The following ANO10 variants were observed in gnomAD, a reference collection of about 807,000 sequenced individuals.
ANO10 encodes the protein anoctamin 10.
ANO10 carries 77 observed loss-of-function variants against 74.7 expected under a neutral mutation model. That is an observed-to-expected ratio of 1.03 (90% confidence interval 0.86 to 1.25). The LOEUF is 1.25. ANO10 is among the 50% of genes most tolerant of loss of function. ANO10 has a pLI of 0.00. For synonymous variants in ANO10, 279 were observed against 284.9 expected (o/e 0.98, Z 0.21); for missense variants, 721 against 778.1 (o/e 0.93, Z 0.87).
intron 11 of ANO10, among the ~76,000 whole-genome samples, chr3:43,474,034 A>G (rs1197482198): frequency 6.6e-6 from 1 of 152,190 alleles, no homozygotes; most frequent in African/African-American, 2.4e-5. Flanking sequence ...TCCAAAGAGC[A>G]TTTTTATATT....
intron 1 of ANO10, among the ~76,000 whole-genome samples, chr3:43,687,003 ATTTT>A (rs59861590): frequency 1.4e-5 from 2 of 142,988 alleles, no homozygotes; most frequent in African/African-American, 5.1e-5. Flanking sequence ...AAGTCATGTG[ATTTT>A]TTTTTTTTTT....
At chr3:43,412,665 T>G (rs949467903) in intron 12 of ANO10, among the ~76,000 whole-genome samples, 2 of 152,230 alleles carry the variant, frequency 1.3e-5, no homozygotes, top group Admixed American at 6.5e-5. Context: ...ATTCCCTGTC[T>G]TGTTTGAACA....
At chr3:43,386,831 A>C (rs1207762168) in intron 12 of ANO10, among the ~76,000 whole-genome samples, 3 of 152,002 alleles carry the variant, frequency 2.0e-5, no homozygotes, top group African/African-American at 7.3e-5. Context: ...AGGGGGTTCA[A>C]CCTGGAGAAA....
chr3:43,590,856 T>A (rs1241632228), intron 4 of ANO10, among the ~76,000 whole-genome samples: 4 of 152,196 alleles, frequency 2.6e-5, no homozygotes, highest in Non-Finnish European at 5.9e-5. Flanking sequence ...TAAGAATTCC[T>A]AAGCCTAGCT....
At chr3:43,676,419 C>G (rs767810460) in intron 1 of ANO10, among the ~76,000 whole-genome samples, 1 of 152,050 alleles carries the variant, frequency 6.6e-6, no homozygotes, top group Non-Finnish European at 1.5e-5. Flanking sequence ...AGGTTTGCAC[C>G]TGCACTCCAG....
chr3:43,617,507 A>C (rs535819689), intron 1 of ANO10, among the ~76,000 whole-genome samples: 2 of 152,106 alleles, frequency 1.3e-5, no homozygotes, highest in Non-Finnish European at 2.9e-5. Flanking sequence ...AGAGACCTAC[A>C]AATAAGTTAA....
chr3:43,608,495 G>C (rs2082663181), intron 1 of ANO10, among the ~76,000 whole-genome samples: 1 of 152,072 alleles, frequency 6.6e-6, no homozygotes, highest in Non-Finnish European at 1.5e-5. Flanking sequence ...GAACTCTTGG[G>C]CTCGAGTGAT....
chr3:43,447,802 A>C (rs573850729), intron 11 of ANO10, among the ~76,000 whole-genome samples: 1 of 152,314 alleles, frequency 6.6e-6, no homozygotes, highest in South Asian at 2.1e-4. Flanking sequence ...ATTAAGGTCT[A>C]ACATTTGTAT....
intron 12 of ANO10, among the ~76,000 whole-genome samples, chr3:43,419,877 A>C (rs1456033192): frequency 1.3e-5 from 2 of 152,166 alleles, no homozygotes; most frequent in Non-Finnish European, 2.9e-5. Flanking sequence ...CTATATTACT[A>C]TTTATGTTCT....
At chr3:43,665,372 G>T (rs547318250) in intron 1 of ANO10, among the ~76,000 whole-genome samples, 53 of 152,176 alleles carry the variant, frequency 3.5e-4, no homozygotes, top group Admixed American at 2.5e-3. Context: ...CAGGGCCTGT[G>T]GGGGGTGGGC....
chr3:43,554,988 T>G (rs1014879979), intron 10 of ANO10, among the ~76,000 whole-genome samples: 4 of 152,200 alleles, frequency 2.6e-5, no homozygotes, highest in Non-Finnish European at 5.9e-5. Flanking sequence ...TAATACTGGC[T>G]GAGATGAAGT....
intron 12 of ANO10, among the ~76,000 whole-genome samples, chr3:43,385,066 A>G (rs1251833930): frequency 1.3e-5 from 2 of 152,204 alleles, no homozygotes. Flanking sequence ...AAGAATTCAA[A>G]TCAGCAAGAA....
Position 43,366,780 on chromosome 3 carries a change from G to T in ANO10, c.*126C>A. On this transcript the variant is annotated 3_prime_UTR_variant, in exon 13 of 13. Transcript: ENST00000292246. The stretch of plus-strand genomic sequence containing the variant: ...GTGCTTGCCACATGGGAGCCACTTC[G>T]TTTGGCTAAGCATTGGGTCTGGGTT... The T allele has an allele frequency of 2.0e-6, 2 of 984,512 alleles. No homozygotes were observed. Among genetic ancestry groups the T allele is most frequent in the South Asian group, 1.4e-5 (1 of 72,654 alleles). 61.0% of individuals were successfully genotyped at this position (984,512 alleles called of 1,614,324 possible). A position where few individuals can be genotyped will look rare whatever the true frequency, so the allele number is the denominator to read the frequency against.
chr3:43,459,756 G>A (rs993299105), intron 11 of ANO10, among the ~76,000 whole-genome samples: 6 of 152,160 alleles, frequency 3.9e-5, no homozygotes, highest in East Asian at 1.9e-4. Context: ...GTGAGGGCTC[G>A]CCCATGGAAG....
At chr3:43,496,533 A>G (rs2076919870) in intron 11 of ANO10, among the ~76,000 whole-genome samples, 1 of 151,906 alleles carries the variant, frequency 6.6e-6, no homozygotes, top group Non-Finnish European at 1.5e-5. Context: ...TTCCAAGCTC[A>G]AGCAATCCTC....
At chr3:43,589,785 T>C (rs1439534496) in intron 4 of ANO10, among the ~76,000 whole-genome samples, 1 of 152,190 alleles carries the variant, frequency 6.6e-6, no homozygotes, top group African/African-American at 2.4e-5. Flanking sequence ...TGTTCATCAA[T>C]ATGAAGACAT....
rs557290341 is a variant in ANO10, at chr3:43,495,623, G to A, written c.1797+54097C>T. ...AGTGGCCATTGAACATAATAAGAAA[G>A]TATTCTTTCTCAATGCTGGTCAGGA... On this transcript the variant is annotated intron_variant, in intron 11 of 12. Coordinates refer to ENST00000292246, the MANE Select transcript of ANO10 (RefSeq NM_018075.5). 4.7e-4 allele frequency among the ~76,000 whole-genome samples: 71 copies of A among 152,092 alleles called. No homozygotes were observed. In the South Asian group the frequency reaches 0.014, roughly 29 times the overall value.
chr3:43,462,437 G>A (rs956050585), intron 11 of ANO10, among the ~76,000 whole-genome samples: 3 of 152,082 alleles, frequency 2.0e-5, no homozygotes, highest in African/African-American at 7.2e-5. Context: ...TGCCATGTTG[G>A]TCAGGCTGGT....
intron 1 of ANO10, among the ~76,000 whole-genome samples, chr3:43,678,643 C>T (rs12054321): frequency 0.084 from 12,720 of 152,216 alleles, 734 homozygotes; most frequent in South Asian, 0.21. Context: ...AGGGACAGAA[C>T]TGCTCACTTG....
Sources: allele counts gnomAD v4.1 joint callset (sites outside exome capture counted in the v4.1 genomes callset), GRCh38; gene constraint gnomAD v4.1.1; transcripts MANE v1.5; gene names NCBI Gene and HGNC (gene_info 2026-07-23, HGNC 2026-07-21).